Variants in CCAR2 observed in about 807,000 individuals in gnomAD.
CCAR2 encodes the protein cell cycle and apoptosis regulator protein 2.
In CCAR2, 21 loss-of-function variants were observed where a neutral mutation model predicts 108.1. The ratio of observed to expected loss-of-function variants is 0.19; its 90% CI spans 0.14 to 0.28. CCAR2 has a LOEUF of 0.28. CCAR2 is among the 10% of genes least tolerant of loss of function. The pLI is 1.00. For synonymous variants in CCAR2, 577 were observed against 472.8 expected, an observed-to-expected ratio of 1.22 and a Z score of -2.86; for missense variants, 1,126 against 1,177.0, an observed-to-expected ratio of 0.96 and a Z score of 0.63.
intron 10 of CCAR2, 106 bp downstream of exon 10, chr8:22,614,609 C>T: frequency 9.0e-7 from 1 of 1,112,920 alleles, no homozygotes; most frequent in Non-Finnish European, 1.3e-6. Flanking sequence ...CGAGGCATCT[C>T]AGAGCCGAAC....
intron 16 of CCAR2, chr8:22,618,046 C>T (rs1402604414): frequency 3.4e-6 from 2 of 590,400 alleles, no homozygotes; most frequent in East Asian, 2.8e-5. Flanking sequence ...GAGAGGAAGG[C>T]TGGCTTGGGC....
intron 16 of CCAR2, 187 bp from the exon 17 acceptor site, chr8:22,618,162 T>C: frequency 4.3e-6 from 3 of 693,580 alleles, no homozygotes; most frequent in South Asian, 3.5e-5. Flanking sequence ...ATGAATATAG[T>C]GCACTGCAGC....
chr8:22,609,531 C>T (rs1801201598), intron 7 of CCAR2, among the ~76,000 whole-genome samples: 1 of 152,168 alleles, frequency 6.6e-6, no homozygotes, highest in African/African-American at 2.4e-5. Context: ...GTGTCCCATT[C>T]TCCATTGTAG....
chr8:22,613,504 A>G (rs953630092), intron 8 of CCAR2, among the ~76,000 whole-genome samples: 71 of 152,028 alleles, frequency 4.7e-4, no homozygotes, highest in African/African-American at 1.6e-3. Flanking sequence ...GTTGCGATCA[A>G]TTTCTAGAAA....
intron 7 of CCAR2, among the ~76,000 whole-genome samples, chr8:22,611,166 G>T (rs1018414283): frequency 1.3e-5 from 2 of 151,716 alleles, no homozygotes; most frequent in African/African-American, 4.8e-5. Flanking sequence ...TTCAAAACCA[G>T]CCTGGCCAAG....
At chr8:22,612,513 G>A (rs56009716) in intron 7 of CCAR2, among the ~76,000 whole-genome samples, 2,291 of 143,874 alleles carry the variant, frequency 0.016, 48 homozygotes, top group African/African-American at 0.054. Context: ...TGATCTGCCC[G>A]CCTTGGCCTC....
chr8:22,611,608 A>C (rs894412433), intron 7 of CCAR2, among the ~76,000 whole-genome samples: 3 of 152,110 alleles, frequency 2.0e-5, no homozygotes, highest in Non-Finnish European at 4.4e-5. Context: ...TCTAGTTTTT[A>C]TCTATACATG....
chr8:22,617,592 G>A (rs373021925), intron 15 of CCAR2, 28 bp downstream of exon 15: 18 of 1,606,142 alleles, frequency 1.1e-5, no homozygotes, highest in Non-Finnish European at 1.5e-5. Context: ...AGGGGAGCTT[G>A]CAGGCTTGGG....
rs778700522 is a variant in CCAR2 at position 22,619,053 on chromosome 8, G to A, written c.2521+38G>A. ...GGCTGCAGCCACCATGGGGTCACAT[G>A]CAGACCAGTAGGGAACCTGCTGCTT... is the stretch of plus-strand genomic sequence containing the variant. On this transcript the variant is annotated intron_variant, in intron 19 of 20. Transcript: ENST00000308511. The A allele has an allele frequency of 3.1e-6, 5 of 1,607,410 alleles. No individual in the cohort carries two copies. In the Admixed American group the frequency reaches 6.7e-5, roughly 22 times the overall value.
chr8:22,618,507 C>T lies in CCAR2; in HGVS notation c.2220+12C>T, dbSNP rs201513218. The T allele has an allele frequency of 2.1e-5, 34 of 1,614,200 alleles. No individual in the cohort carries two copies. The East Asian group carries it at 7.6e-4, about 36-fold the overall frequency. On this transcript the variant is annotated intron_variant, in intron 17 of 20. Coordinates refer to ENST00000308511, the MANE Select transcript of CCAR2 (RefSeq NM_001393997.1). ...TCAGTGCAGAGCAGGTACCTTCTTT[C>T]CTCTGCCCCAGCACATGGGCACAGG...
At chr8:22,620,835 G>A (rs1801767179), downstream of CCAR2, 1 of 152,328 alleles carries the variant, frequency 6.6e-6, no homozygotes, top group Non-Finnish European at 1.5e-5. Flanking sequence ...GACAGCTTGC[G>A]TTCCCGAGGT....
intron 16 of CCAR2, 57 bp from the exon 17 acceptor site, chr8:22,618,292 G>C (rs570707255): frequency 6.2e-7 from 1 of 1,609,860 alleles, no homozygotes; most frequent in African/African-American, 1.3e-5. Context: ...AATCCTGGGC[G>C]ATAGAGCCAC....
Position 22,619,783 on chromosome 8 carries a change from CCAGGG to C in CCAR2, c.*107_*111del. ...AAGCAGCGAGAGCGAGACCTGGGAG[CCAGGG>C]CAGGGGTGGCTGACCCCATGCTCAG... On this transcript the variant is annotated 3_prime_UTR_variant, in exon 21 of 21. Coordinates refer to ENST00000308511, the MANE Select transcript of CCAR2 (RefSeq NM_001393997.1). The C allele has an allele frequency of 1.5e-6, 2 of 1,336,988 alleles. No homozygotes were observed. Among genetic ancestry groups the C allele is most frequent in the South Asian group, 2.5e-5 (2 of 79,276 alleles). The allele number at this position is 1,336,988 out of a possible 1,614,324, so 82.8% of individuals were successfully genotyped here.
intron 7 of CCAR2, among the ~76,000 whole-genome samples, chr8:22,609,749 C>T (rs115607946): frequency 0.011 from 1,676 of 152,164 alleles, 31 homozygotes; most frequent in East Asian, 0.062. Context: ...CTGTGACTGC[C>T]GTGGACTTTC....
At chr8:22,615,621 C>T (rs201113071) in intron 12 of CCAR2, 25 bp downstream of exon 12, 152 of 1,613,426 alleles carry the variant, frequency 9.4e-5, no homozygotes, top group Non-Finnish European at 1.2e-4. Flanking sequence ...TAGCCAGCAG[C>T]GGGGGATATA....
rs188921516 is a variant in CCAR2, at chr8:22,605,538, T to C, written c.-38-198T>C. On this transcript the variant is annotated intron_variant, in intron 1 of 20. Transcript: ENST00000308511. ...ACAGTATCATGCACCACTAGGTTAT[T>C]GTCAGGGCAAACTGGAACAATGTAA... 79 of 569,606 alleles carry C rather than the reference T, an allele frequency of 1.4e-4. No individual in the cohort carries two copies. In the East Asian group the frequency reaches 2.1e-3, roughly 15 times the overall value. The allele number at this position is 569,606 out of a possible 1,614,324, so 35.3% of individuals were successfully genotyped here. A position where few individuals can be genotyped will look rare whatever the true frequency, so the allele number is the denominator to read the frequency against.
chr8:22,611,720 C>T (rs1034348343), intron 7 of CCAR2, among the ~76,000 whole-genome samples: 6 of 151,966 alleles, frequency 3.9e-5, no homozygotes, highest in Non-Finnish European at 8.8e-5. Context: ...TTAATGGCTG[C>T]GTGATTGTTT....
chr8:22,610,183 G>A (rs1801222915), intron 7 of CCAR2, among the ~76,000 whole-genome samples: 1 of 152,118 alleles, frequency 6.6e-6, no homozygotes, highest in South Asian at 2.1e-4. Context: ...TGTGCAGAGT[G>A]GGGCCAGGGG....
chr8:22,618,032 G>T, intron 16 of CCAR2: 1 of 592,700 alleles, frequency 1.7e-6, no homozygotes, highest in Non-Finnish European at 3.0e-6. Context: ...GCCAAAGTGG[G>T]CCAGAGAGGA....
Sources: gnomAD v4.1 joint callset for allele counts (sites outside exome capture counted in the v4.1 genomes callset) on GRCh38, gnomAD v4.1.1 for gene constraint, MANE v1.5 for transcripts, NCBI Gene and HGNC (gene_info 2026-07-23, HGNC 2026-07-21) for gene names.